The following TRAPPC9 variants were observed in gnomAD, a reference collection of about 807,000 sequenced individuals.
The protein encoded by TRAPPC9 is trafficking protein particle complex subunit 9, also known as IKK2 binding protein.
In TRAPPC9, 83 loss-of-function variants were observed where a neutral mutation model predicts 124.0. That is an observed-to-expected ratio of 0.67 (90% CI 0.56 to 0.80). The LOEUF (loss-of-function observed/expected upper bound fraction) is 0.80, where lower values mean the gene tolerates loss of function less well. Ranked by LOEUF, TRAPPC9 falls within the 30% of genes least tolerant of loss-of-function variation. The pLI, the probability that TRAPPC9 is intolerant of heterozygous loss-of-function variation, is 0.00. For synonymous variants in TRAPPC9, 638 were observed against 617.5 expected (o/e 1.03, Z -0.49); for missense variants, 1,302 against 1,508.3 (o/e 0.86, Z 2.27).
At chr8:140,377,712 AC>A (rs1297010370) in intron 7 of TRAPPC9, among the ~76,000 whole-genome samples, 11 of 151,208 alleles carry the variant, frequency 7.3e-5, no homozygotes, top group Admixed American at 7.3e-4. Flanking sequence ...AACGTCCCCC[AC>A]CCCCCATCAC....
chr8:139,890,653 G>A (rs539554319), intron 20 of TRAPPC9, among the ~76,000 whole-genome samples: 1 of 152,264 alleles, frequency 6.6e-6, no homozygotes, highest in Admixed American at 6.5e-5. Context: ...TCTCCCTCAG[G>A]GACTGAGCAC....
At chr8:139,948,586 T>C (rs535414684) in intron 19 of TRAPPC9, among the ~76,000 whole-genome samples, 40 of 152,206 alleles carry the variant, frequency 2.6e-4, no homozygotes, top group South Asian at 1.7e-3. Context: ...AGCCCCTTCC[T>C]TTAGGAGGAG....
At chr8:139,765,377 C>T (rs1358333367) in intron 21 of TRAPPC9, among the ~76,000 whole-genome samples, 2 of 152,210 alleles carry the variant, frequency 1.3e-5, no homozygotes, top group Admixed American at 6.5e-5. Flanking sequence ...ATTGTGTGGA[C>T]ATGTGTGGGT....
intron 22 of TRAPPC9, 97 bp from the exon 23 acceptor site, chr8:139,731,325 T>C (rs1817808265): frequency 6.1e-6 from 9 of 1,480,098 alleles, no homozygotes; most frequent in South Asian, 1.2e-5. Context: ...ATAGGTGTTA[T>C]GGGGGAAGCG....
Position 139,839,630 on chromosome 8 carries a change from G to A in TRAPPC9, c.3055+46249C>T, listed in dbSNP as rs183723940. Among the ~76,000 whole-genome samples, 908 of 152,318 alleles carry A rather than the reference G, an allele frequency of 6.0e-3. 5 individuals are homozygous for A. Among genetic ancestry groups the A allele is most frequent in the Non-Finnish European group, 8.6e-3 (585 of 68,026 alleles). On this transcript the variant is annotated intron_variant, in intron 21 of 22. Transcript: ENST00000438773. ...TCGGAACCCACAGTAACTGCTCCCC[G>A]AAAGCGGATGCTCATGGCGCATTCC...
intron 21 of TRAPPC9, among the ~76,000 whole-genome samples, chr8:139,740,312 C>T (rs907120434): frequency 5.3e-5 from 8 of 152,240 alleles, no homozygotes; most frequent in African/African-American, 1.9e-4. Context: ...TGCTATAGCA[C>T]GTCCAGGCTC....
chr8:139,760,131 A>G (rs1820121925), intron 21 of TRAPPC9, among the ~76,000 whole-genome samples: 1 of 152,134 alleles, frequency 6.6e-6, no homozygotes, highest in South Asian at 2.1e-4. Flanking sequence ...AGCGTAGTGT[A>G]TATGACCTAC....
chr8:140,067,578 G>A (rs945678332), intron 17 of TRAPPC9, among the ~76,000 whole-genome samples: 2 of 152,186 alleles, frequency 1.3e-5, no homozygotes, highest in African/African-American at 4.8e-5. Context: ...TTGCATCTAA[G>A]CAAAGAAAAG....
At chr8:140,172,645 G>A (rs949136190) in intron 17 of TRAPPC9, among the ~76,000 whole-genome samples, 17 of 152,190 alleles carry the variant, frequency 1.1e-4, no homozygotes, top group Non-Finnish European at 1.5e-5. Flanking sequence ...AGCAGCAGCA[G>A]CTGACACTTC....
At chr8:140,218,985 G>C (rs1281514168) in intron 17 of TRAPPC9, among the ~76,000 whole-genome samples, 1 of 151,500 alleles carries the variant, frequency 6.6e-6, no homozygotes, top group Non-Finnish European at 1.5e-5. Context: ...AAAAAAACTG[G>C]ATTTTAGGAG....
intron 20 of TRAPPC9, among the ~76,000 whole-genome samples, chr8:139,904,245 A>G (rs772853673): frequency 6.6e-6 from 1 of 152,240 alleles, no homozygotes; most frequent in African/African-American, 2.4e-5. Flanking sequence ...AAATCTGCAG[A>G]AAAAAACTAA....
At chr8:140,351,024 C>T (rs74838395) in intron 9 of TRAPPC9, among the ~76,000 whole-genome samples, 3,716 of 151,528 alleles carry the variant, frequency 0.025, 104 homozygotes, top group African/African-American at 0.067. Flanking sequence ...GCAGTCAGGG[C>T]GAGAAAGCAG....
intron 16 of TRAPPC9, among the ~76,000 whole-genome samples, chr8:140,224,683 AT>A (rs199511426): frequency 1.3e-5 from 2 of 150,914 alleles, no homozygotes; most frequent in South Asian, 2.1e-4. Context: ...TTCTACCCCC[AT>A]TTTTTTTTAC....
At chr8:140,356,285 G>A (rs146242446) in intron 9 of TRAPPC9, among the ~76,000 whole-genome samples, 325 of 152,346 alleles carry the variant, frequency 2.1e-3, no homozygotes, top group Middle Eastern at 0.01. Flanking sequence ...ATGGACACAC[G>A]TGTAAACATC....
At chr8:139,894,017 C>T (rs1676579343) in intron 20 of TRAPPC9, among the ~76,000 whole-genome samples, 1 of 152,222 alleles carries the variant, frequency 6.6e-6, no homozygotes, top group Admixed American at 6.5e-5. Context: ...AACCGCTTGG[C>T]ACCAGCATCC....
chr8:140,106,742 T>G (rs1192145783), intron 17 of TRAPPC9, among the ~76,000 whole-genome samples: 1 of 152,152 alleles, frequency 6.6e-6, no homozygotes, highest in African/African-American at 2.4e-5. Flanking sequence ...AAGAGGATAA[T>G]GCCGACCTCA....
intron 16 of TRAPPC9, among the ~76,000 whole-genome samples, chr8:140,226,782 G>A (rs989291955): frequency 1.3e-5 from 2 of 151,590 alleles, no homozygotes; most frequent in Admixed American, 1.3e-4. Context: ...TGATGTAAAA[G>A]TACTTCAGAA....
At chr8:139,897,189 C>T (rs1830716529) in intron 20 of TRAPPC9, among the ~76,000 whole-genome samples, 2 of 152,244 alleles carry the variant, frequency 1.3e-5, no homozygotes, top group South Asian at 4.1e-4. Flanking sequence ...CCAAGCTTGC[C>T]ACTTTCTGCC....
chr8:140,052,577 T>C (rs112402446), intron 17 of TRAPPC9, among the ~76,000 whole-genome samples: 3,076 of 151,532 alleles, frequency 0.02, 55 homozygotes, highest in Non-Finnish European at 0.028. Context: ...AGGTCAGGAG[T>C]TTGAGACCAG....
Sources: gnomAD v4.1 joint callset for allele counts (sites outside exome capture counted in the v4.1 genomes callset) on GRCh38, gnomAD v4.1.1 for gene constraint, MANE v1.5 for transcripts, NCBI Gene and HGNC (gene_info 2026-07-23, HGNC 2026-07-21) for gene names.